Variants in FNIP2 observed in about 807,000 individuals in gnomAD.
The protein encoded by FNIP2 is folliculin interacting protein 2.
FNIP2 carries 32 observed loss-of-function variants against 108.7 expected under a neutral mutation model. The ratio of observed to expected loss-of-function variants is 0.29; its 90% confidence interval spans 0.22 to 0.40. FNIP2 has a LOEUF of 0.40. FNIP2 is among the 10% of genes least tolerant of loss of function. FNIP2 has a pLI of 1.00. For synonymous variants in FNIP2, 480 were observed against 496.7 expected (o/e 0.97, Z 0.45); for missense variants, 1,202 against 1,381.6 (o/e 0.87, Z 2.06).
At chr4:158,773,767 A>T (rs535472826) in intron 1 of FNIP2, among the ~76,000 whole-genome samples, 143 of 152,260 alleles carry the variant, frequency 9.4e-4, no homozygotes, top group Non-Finnish European at 1.5e-3. Context: ...TGAAACAGAG[A>T]CCTTAAGTTT....
In FNIP2 at chr4:158,870,435, A is replaced by G. The variant is rs374496098; in HGVS notation, c.2915A>G (p.Gln972Arg). The change falls in exon 14 of 17, where the codon CAG (glutamine) becomes CGG (arginine). Residue 972 changes from glutamine (Q) to arginine (R), a missense_variant. This residue lies in a region of FNIP2 where 142 missense variants were observed against 183.8 expected (regional missense o/e 0.77). Coordinates refer to ENST00000264433, the MANE Select transcript of FNIP2 (RefSeq NM_020840.3). ...HGTGSDEKLKQCLVADLVHTV... is the reference protein window; with the variant it reads ...HGTGSDEKLKRCLVADLVHTV... ...ACCGGCAGTGATGAGAAGCTGAAGCAGTGCCTGGTGGCCGACCTTGTCCAC... is the reference window on the plus strand; with the variant it reads ...ACCGGCAGTGATGAGAAGCTGAAGCGGTGCCTGGTGGCCGACCTTGTCCAC... The G allele has an allele frequency of 1.2e-6, 2 of 1,613,804 alleles. No individual in the cohort carries two copies. The highest frequency in any genetic ancestry group is 1.7e-6 in the Non-Finnish European group (2 of 1,179,826).
chr4:158,846,703 G>A (rs977826709), intron 7 of FNIP2, among the ~76,000 whole-genome samples: 1 of 152,292 alleles, frequency 6.6e-6, no homozygotes, highest in South Asian at 2.1e-4. Context: ...CGTAACAAAT[G>A]ATTTAATCAA....
intron 1 of FNIP2, among the ~76,000 whole-genome samples, chr4:158,811,486 C>T (rs1042558874): frequency 3.9e-5 from 6 of 152,148 alleles, no homozygotes; most frequent in African/African-American, 1.4e-4. Flanking sequence ...AGGGTCTTCT[C>T]TGCCTTAAAA....
chr4:158,853,603 A>G (rs1002693918), intron 8 of FNIP2, among the ~76,000 whole-genome samples: 1 of 152,068 alleles, frequency 6.6e-6, no homozygotes, highest in Non-Finnish European at 1.5e-5. Context: ...TTCAGTGCCC[A>G]CCTATGAGTG....
chr4:158,830,908 T>C (rs1033591311), intron 3 of FNIP2, among the ~76,000 whole-genome samples: 9 of 152,216 alleles, frequency 5.9e-5, no homozygotes, highest in Non-Finnish European at 1.2e-4. Context: ...ACTAGGTGAA[T>C]GAATGTATTG....
intron 14 of FNIP2, among the ~76,000 whole-genome samples, chr4:158,879,333 T>C (rs1191210136): frequency 2.0e-5 from 3 of 150,354 alleles, no homozygotes; most frequent in Non-Finnish European, 4.4e-5. Context: ...GTGAAAATAG[T>C]GTGGTCAAGT....
rs56397772 is a variant in FNIP2 at position 158,874,492 on chromosome 4, C to CAAAA, written c.2949+4033_2949+4036dup. ...CAATATAGCAAAATCCCATCTCTAG[C>CAAAA]AAAAAAAAAAAAATAGCTAGGCATG... On this transcript the variant is annotated intron_variant, in intron 14 of 16. Transcript: ENST00000264433. 5.1e-4 allele frequency among the ~76,000 whole-genome samples: 47 copies of CAAAA among 91,446 alleles called. 1 individual carries two copies. The highest frequency in any genetic ancestry group is 9.8e-4 in the African/African-American group (23 of 23,564). The allele number at this position is 91,446 out of a possible 152,430, so 60.0% of individuals were successfully genotyped here. A position where few individuals can be genotyped will look rare whatever the true frequency, so the allele number is the denominator to read the frequency against.
intron 1 of FNIP2, among the ~76,000 whole-genome samples, chr4:158,776,584 T>G (rs1775868667): frequency 1.3e-5 from 2 of 152,244 alleles, no homozygotes; most frequent in African/African-American, 4.8e-5. Context: ...AAATATGATT[T>G]AAAGATAGTT....
At chr4:158,803,409 G>A (rs1406834435) in intron 1 of FNIP2, among the ~76,000 whole-genome samples, 2 of 151,964 alleles carry the variant, frequency 1.3e-5, no homozygotes, top group South Asian at 4.2e-4. Context: ...AGGGAGATTG[G>A]ATTGAGGGAG....
intron 14 of FNIP2, among the ~76,000 whole-genome samples, chr4:158,889,569 T>A (rs1232631991): frequency 2.0e-5 from 3 of 152,188 alleles, no homozygotes; most frequent in Non-Finnish European, 4.4e-5. Flanking sequence ...AAATTACCTA[T>A]TGCAAATCAA....
chr4:158,799,538 T>C (rs1349788664), intron 1 of FNIP2, among the ~76,000 whole-genome samples: 1 of 152,150 alleles, frequency 6.6e-6, no homozygotes, highest in Non-Finnish European at 1.5e-5. Context: ...GATCACATGA[T>C]TTGCAGAGAA....
At chr4:158,820,785 G>T (rs1777840726) in intron 1 of FNIP2, among the ~76,000 whole-genome samples, 1 of 152,158 alleles carries the variant, frequency 6.6e-6, no homozygotes, top group East Asian at 1.9e-4. Flanking sequence ...CTGTGTCTTT[G>T]TCCAAAATTT....
intron 1 of FNIP2, chr4:158,806,006 C>A: frequency 4.2e-6 from 2 of 481,800 alleles, no homozygotes; most frequent in Non-Finnish European, 5.7e-6. Flanking sequence ...AAATTATTGG[C>A]AGGCTTAATT....
chr4:158,870,485 G>T lies in FNIP2; in HGVS notation c.2949+16G>T. The T allele has an allele frequency of 1.3e-6, 2 of 1,595,352 alleles. No individual in the cohort carries two copies. The highest frequency in any genetic ancestry group is 8.6e-7 in the Non-Finnish European group (1 of 1,169,450). On this transcript the variant is annotated intron_variant, in intron 14 of 16. Transcript: ENST00000264433. ...CACAGTCCATGTAAGTGATCCCAGTGTGGAGCCTCTGGCTGCTGACAGTGT... is the reference window on the plus strand; with the variant it reads ...CACAGTCCATGTAAGTGATCCCAGTTTGGAGCCTCTGGCTGCTGACAGTGT...
intron 16 of FNIP2, among the ~76,000 whole-genome samples, chr4:158,900,057 C>G (rs1276288697): frequency 6.6e-6 from 1 of 152,186 alleles, no homozygotes; most frequent in Non-Finnish European, 1.5e-5. Flanking sequence ...TCATTGTTCT[C>G]ATTGGTTTCA....
chr4:158,835,959 G>A (rs1039485446), intron 7 of FNIP2: 5 of 152,416 alleles, frequency 3.3e-5, no homozygotes, highest in African/African-American at 9.7e-5. Context: ...ACTGCTTTTA[G>A]GATCTGTTGG....
At chr4:158,854,033 T>G (rs1006541593) in intron 8 of FNIP2, among the ~76,000 whole-genome samples, 1 of 152,252 alleles carries the variant, frequency 6.6e-6, no homozygotes, top group South Asian at 2.1e-4. Context: ...TGTATTTTTT[T>G]GTCCAGTATA....
intron 1 of FNIP2, among the ~76,000 whole-genome samples, chr4:158,800,128 C>A (rs897749549): frequency 3.3e-5 from 5 of 152,142 alleles, no homozygotes; most frequent in Non-Finnish European, 5.9e-5. Flanking sequence ...TGGGGATTTC[C>A]TGGAGCCTTA....
chr4:158,848,404 G>A (rs1221290740), intron 7 of FNIP2, among the ~76,000 whole-genome samples: 1 of 152,226 alleles, frequency 6.6e-6, no homozygotes. Context: ...GGGGAGCACA[G>A]TGTCAGCTGG....
Sources: allele counts gnomAD v4.1 joint callset (sites outside exome capture counted in the v4.1 genomes callset), GRCh38; gene constraint gnomAD v4.1.1; regional missense constraint gnomAD v4.1.1; transcripts MANE v1.5; gene names NCBI Gene and HGNC (gene_info 2026-07-23, HGNC 2026-07-21).